PIDD1: variants seen among roughly 807,000 people sequenced by gnomAD.
PIDD1 encodes the protein p53-induced death domain protein 1.
A neutral mutation model predicts 80.0 loss-of-function variants in PIDD1; 72 were observed. The observed-to-expected ratio is 0.90, with a 90% CI of 0.74 to 1.09. PIDD1 has a LOEUF of 1.09. Ranked by LOEUF, PIDD1 falls within the 50% of genes least tolerant of loss-of-function variation. PIDD1 has a pLI of 0.00. For missense variants in PIDD1, 1,329 were observed against 1,228.3 expected (o/e 1.08, Z -1.23); for synonymous variants, 655 against 543.5 (o/e 1.21, Z -2.85).
Position 802,587 on chromosome 11 carries a change from G to A in PIDD1, c.930C>T (p.Leu310=), listed in dbSNP as rs1392965064. The change falls in exon 5 of 16, where the codon CTC becomes CTT. Residue 310 remains leucine, a synonymous_variant. Coordinates refer to ENST00000347755, the MANE Select transcript of PIDD1 (RefSeq NM_145886.4). The part of the protein sequence containing the change: ...PDAPSSPVAA[L]IPEMPRLFLT... ...GGAACAGTCTGGGCATTTCTGGAAT[G>A]AGGGCTGCCACTGTGCAGGGGACAG... 2 of 1,613,082 alleles carry A rather than the reference G, an allele frequency of 1.2e-6. No homozygotes were observed. Among genetic ancestry groups the A allele is most frequent in the Non-Finnish European group, 1.7e-6 (2 of 1,179,716 alleles).
Position 800,625 on chromosome 11 carries a change from GC to G in PIDD1, c.1958del (p.Gly653AlafsTer46). On this transcript the variant is annotated frameshift_variant, in exon 12 of 16. Transcript: ENST00000347755. LOFTEE classifies it high-confidence loss of function. The part of the protein sequence containing the change: ...TLRRLLERYR[G>X]PEPSDTVEMF... The stretch of plus-strand genomic sequence containing the variant: ...TCTCCACCGTGTCAGAGGGCTCGGG[GC>G]CCCGGTACCGCTCCAGCAGCCGCCG... The G allele has an allele frequency of 6.3e-7, 1 of 1,599,676 alleles. No homozygotes were observed.
Position 801,443 on chromosome 11 carries a change from A to C in PIDD1, c.1482+2T>G, listed in dbSNP as rs1422725782. 2.6e-6 allele frequency: 4 copies of C among 1,551,336 alleles called. No individual in the cohort carries two copies. The highest frequency in any genetic ancestry group is 3.5e-6 in the Non-Finnish European group (4 of 1,146,916). ...CCACCCTCAGTGCTGTCCTGGCCAT[A>C]CCTGCATGGAGACTCGACGAGGCTC... is the stretch of plus-strand genomic sequence containing the variant. On this transcript the variant is annotated splice_donor_variant, in intron 8 of 15. Coordinates refer to ENST00000347755, the MANE Select transcript of PIDD1 (RefSeq NM_145886.4). LOFTEE classifies it high-confidence loss of function.
chr11:808,405 G>A, upstream of PIDD1, among the ~76,000 whole-genome samples: 1 of 151,258 alleles, frequency 6.6e-6, no homozygotes, highest in East Asian at 1.9e-4. Flanking sequence ...CCAACCTGGG[G>A]AACAGTGGGA....
Position 802,826 on chromosome 11 carries a change from A to G in PIDD1, c.775T>C (p.Leu259=), listed in dbSNP as rs769487779. 2.5e-6 allele frequency: 4 copies of G among 1,599,060 alleles called. No homozygotes were observed. The East Asian group carries it at 9.0e-5, about 36-fold the overall frequency. The stretch of plus-strand genomic sequence containing the variant: ...CGGGTGAGGAGTGGAAGGCGGGCCA[A>G]GTCAGCTGGCACAGAGGCCAGGAGG... ...SNLLASVPAD[L]ARLPLLTRLD... Residue 259 remains leucine, a synonymous_variant, in exon 4 of 16, where the codon TTG becomes CTG. Coordinates refer to ENST00000347755, the MANE Select transcript of PIDD1 (RefSeq NM_145886.4).
At chr11:804,505 C>A in intron 1 of PIDD1, 42 bp from the exon 2 acceptor site, 2 of 1,443,452 alleles carry the variant, frequency 1.4e-6, no homozygotes, top group Non-Finnish European at 1.8e-6. Context: ...CCGGGGTGGG[C>A]CCTTCTCTTT....
chr11:805,589 G>A (rs11246314), upstream of PIDD1: 472,272 of 980,728 alleles, frequency 0.48, 118,043 homozygotes, highest in Admixed American at 0.55. Context: ...GGTGACGGGG[G>A]TACTCTTGCC....
intron 8 of PIDD1, 37 bp downstream of exon 8, chr11:801,408 G>A (rs1163048911): frequency 6.3e-7 from 1 of 1,578,174 alleles, no homozygotes. Context: ...GTGGGCTGAG[G>A]CGCGGCCTGC....
intron 3 of PIDD1, 121 bp downstream of exon 3, chr11:803,053 G>C: frequency 1.0e-6 from 1 of 959,240 alleles, no homozygotes; most frequent in Non-Finnish European, 1.6e-6. Flanking sequence ...CAGGGAGGTG[G>C]AGGGACAACC....
rs759150474 is a variant in PIDD1, at chr11:802,730, G to T, written c.871C>A (p.Gln291Lys). ...ELLDAPFVRLQGNPLGEASPD... is the reference protein window; with the variant it reads ...ELLDAPFVRLKGNPLGEASPD... Reference sequence around the variant, plus strand: ...GAGGCCTCACCCAGGGGGTTCCCCTGCAGGCGCACAAAGGGGGCGTCTAGC... The same window carrying T: ...GAGGCCTCACCCAGGGGGTTCCCCTTCAGGCGCACAAAGGGGGCGTCTAGC... The change falls in exon 4 of 16, where the codon CAG becomes AAG. Residue 291 changes from glutamine (Q) to lysine (K), a missense_variant. Physicochemically the swap from Gln to Lys is moderately conservative, Grantham distance 53 (BLOSUM62 1). Coordinates refer to ENST00000347755, the MANE Select transcript of PIDD1 (RefSeq NM_145886.4). The T allele has an allele frequency of 4.3e-6, 7 of 1,611,864 alleles. No homozygotes were observed. Among genetic ancestry groups the T allele is most frequent in the Non-Finnish European group, 5.9e-6 (7 of 1,179,446 alleles).
Position 803,496 on chromosome 11 carries a change from G to A in PIDD1, c.387C>T (p.His129=). The A allele has an allele frequency of 6.2e-7, 1 of 1,613,642 alleles. No homozygotes were observed. Among genetic ancestry groups the A allele is most frequent in the Non-Finnish European group, 8.5e-7 (1 of 1,180,016 alleles). Residue 129 remains histidine, a synonymous_variant, in exon 3 of 16, where the codon CAC becomes CAT. Coordinates refer to ENST00000347755, the MANE Select transcript of PIDD1 (RefSeq NM_145886.4). ...AGLSGLAHLA[H]LDLSFNSLET... ...CCAGGCTGTTGAAGCTCAGGTCCAG[G>A]TGGGCCAGATGGGCCAGGCCACTCA...
chr11:803,392 G>C lies in PIDD1; in HGVS notation c.491C>G (p.Pro164Arg). The change falls in exon 3 of 16, where the codon CCT (proline) becomes CGT (arginine). Residue 164 changes from proline to arginine, a missense_variant. Pro to Arg is a moderately radical substitution (Grantham distance 103). Coordinates refer to ENST00000347755, the MANE Select transcript of PIDD1 (RefSeq NM_145886.4). Reference sequence around the variant, plus strand: ...GGCGGGGAGGGCCCCCAGAGCCTCAGGCAGCTCAGAGAGGCAGTTGTGAGA... The same window carrying C: ...GGCGGGGAGGGCCCCCAGAGCCTCACGCAGCTCAGAGAGGCAGTTGTGAGA... The part of the protein sequence containing the change: ...LLSHNCLSEL[P>R]EALGALPALT... 1.2e-6 allele frequency: 2 copies of C among 1,614,030 alleles called. No homozygotes were observed. The highest frequency in any genetic ancestry group is 1.7e-6 in the Non-Finnish European group (2 of 1,179,990).
rs1207666650 is a variant in PIDD1, at chr11:800,990, G to A, written c.1761C>T (p.Phe587=). The A allele has an allele frequency of 1.9e-6, 3 of 1,604,526 alleles. No individual in the cohort carries two copies. Among genetic ancestry groups the A allele is most frequent in the Admixed American group, 3.4e-5 (2 of 58,826 alleles). Residue 587 remains phenylalanine, a synonymous_variant, in exon 10 of 16, where the codon TTC becomes TTT. Transcript: ENST00000347755. ...HLYARFQVTH[F]SWYWLWYTTK... ...GAAAGCTGGGGGGCACTGACCAGGA[G>A]AAGTGTGTGACCTGGAAGCGTGCGT...
chr11:802,022 G>A lies in PIDD1; in HGVS notation c.1245C>T (p.Thr415=). The A allele has an allele frequency of 1.2e-6, 2 of 1,602,278 alleles. No homozygotes were observed. The highest frequency in any genetic ancestry group is 1.7e-6 in the Non-Finnish European group (2 of 1,175,088). Residue 415 remains threonine, a synonymous_variant, in exon 7 of 16, where the codon ACC becomes ACT. Transcript: ENST00000347755. ...ARRCREVVVR[T]RNDNSWGDLE... ...GGTCACCCCAGCTGTTGTCATTCCGGGTCCTGACCACCACTTCACGGCAGC... is the reference window on the plus strand; with the variant it reads ...GGTCACCCCAGCTGTTGTCATTCCGAGTCCTGACCACCACTTCACGGCAGC...
chr11:799,622 C>A, intron 15 of PIDD1, 57 bp from the exon 16 acceptor site: 1 of 1,521,598 alleles, frequency 6.6e-7, no homozygotes, highest in Non-Finnish European at 8.8e-7. Flanking sequence ...GGACCCCCCA[C>A]CACACTCTGC....
At chr11:800,936 G>A (rs765045174) in intron 10 of PIDD1, 24 bp from the exon 11 acceptor site, 115 of 1,596,480 alleles carry the variant, frequency 7.2e-5, no homozygotes, top group Non-Finnish European at 7.8e-5. Flanking sequence ...GGGTGAGGAG[G>A]GCTGTACAGA....
rs1242043288 is a variant in PIDD1, at chr11:804,325, C to T, written c.64G>A (p.Asp22Asn). ...AAAAAGDASE[D>N]SDAGSRALPF... ...AGCGCCCTGGACCCTGCGTCCGAAT[C>T]CTCTGAAGCATCTCCTGCGGCAGCA... is the stretch of plus-strand genomic sequence containing the variant. The change falls in exon 2 of 16, where the codon GAT becomes AAT. Residue 22 changes from aspartate to asparagine, a missense_variant. Transcript: ENST00000347755. 7 of 1,611,478 alleles carry T rather than the reference C, an allele frequency of 4.3e-6. No homozygotes were observed. The highest frequency in any genetic ancestry group is 1.3e-5 in the African/African-American group (1 of 74,908).
Position 799,977 on chromosome 11 carries a change from C to G in PIDD1, c.2312G>C (p.Gly771Ala), listed in dbSNP as rs1865113827. The G allele has an allele frequency of 1.9e-6, 3 of 1,612,736 alleles. No individual in the cohort carries two copies. The highest frequency in any genetic ancestry group is 2.5e-6 in the Non-Finnish European group (3 of 1,179,966). Residue 771 changes from glycine to alanine, a missense_variant, in exon 15 of 16, where the codon GGC becomes GCC. Coordinates refer to ENST00000347755, the MANE Select transcript of PIDD1 (RefSeq NM_145886.4). Reference sequence around the variant, plus strand: ...CAGATTCAAGGGTGCCAAGGAGAGGCCAGCCCCCCGCCGTGGCCCCTCGGA... The same window carrying G: ...CAGATTCAAGGGTGCCAAGGAGAGGGCAGCCCCCCGCCGTGGCCCCTCGGA... ...RGSEGPRRGAGLSLAPLNLGD... is the reference protein window; with the variant it reads ...RGSEGPRRGAALSLAPLNLGD...
In PIDD1 at chr11:800,275, C is replaced by A. The variant is rs775871381; in HGVS notation, c.2161-31G>T. On this transcript the variant is annotated intron_variant, in intron 13 of 15. Transcript: ENST00000347755. ...GGGGCATCGAATGGGGTTCGGAGTT[C>A]GGTCCTCTGCCCAAGCGGCCTGGGG... 3 of 1,611,732 alleles carry A rather than the reference C, an allele frequency of 1.9e-6. No homozygotes were observed. In the African/African-American group the frequency reaches 4.0e-5, roughly 21 times the overall value.
chr11:800,373 G>A lies in PIDD1; in HGVS notation c.2120C>T (p.Thr707Ile). The A allele has an allele frequency of 1.2e-5, 19 of 1,608,066 alleles. No homozygotes were observed. The highest frequency in any genetic ancestry group is 1.6e-5 in the Non-Finnish European group (19 of 1,177,286). ...HLKNVKEVYV[T>I]TTLDREAQAV... ...CTGAGCCTCCCGGTCCAGAGTGGTG[G>A]TCACGTATACCTCCTTCACATTCTT... Residue 707 changes from threonine (T) to isoleucine (I), a missense_variant, in exon 13 of 16, where the codon ACC becomes ATC. Thr to Ile is a moderately conservative substitution (Grantham distance 89). Transcript: ENST00000347755.
Sources: allele counts gnomAD v4.1 joint callset (sites outside exome capture counted in the v4.1 genomes callset), GRCh38; gene constraint gnomAD v4.1.1; transcripts MANE v1.5; gene names NCBI Gene and HGNC (gene_info 2026-07-23, HGNC 2026-07-21).